Variants in SHANK2 observed in about 807,000 individuals in gnomAD.
SHANK2 encodes SH3 and multiple ankyrin repeat domains 2, also known as SH3 and multiple ankyrin repeat domains protein 2.
A neutral mutation model predicts 133.7 loss-of-function variants in SHANK2; 43 were observed. That is an observed-to-expected ratio of 0.32 (90% CI 0.25 to 0.41). The LOEUF (loss-of-function observed/expected upper bound fraction) is 0.41. SHANK2 is among the 10% of genes least tolerant of loss of function. SHANK2 has a pLI of 1.00. For synonymous variants in SHANK2, 1,017 were observed against 952.8 expected (o/e 1.07, Z -1.24); for missense variants, 1,994 against 2,235.8 (o/e 0.89, Z 2.18).
chr11:70,765,530 T>C lies in SHANK2; in HGVS notation c.1777+32913A>G, dbSNP rs77842890. On this transcript the variant is annotated intron_variant, in intron 14 of 25. Coordinates refer to ENST00000601538, the MANE Select transcript of SHANK2 (RefSeq NM_012309.5). The stretch of plus-strand genomic sequence containing the variant: ...ACCTGGATCCAGCCAGGACTGAAGC[T>C]GTTATTCCTAAACTTAAAAGCCGTT... Among the ~76,000 whole-genome samples, 1,216 of 152,288 alleles carry C rather than the reference T, an allele frequency of 8.0e-3. 20 individuals are homozygous for C. Among genetic ancestry groups the C allele is most frequent in the African/African-American group, 0.028 (1,172 of 41,548 alleles).
chr11:71,226,546 C>T (rs1043796809), intron 1 of SHANK2: 1 of 152,110 alleles, frequency 6.6e-6, no homozygotes, highest in Admixed American at 6.5e-5. Context: ...TGAAAACATG[C>T]AGAGAAACCA....
At chr11:71,115,688 G>A (rs567836858) in intron 4 of SHANK2, among the ~76,000 whole-genome samples, 5 of 152,240 alleles carry the variant, frequency 3.3e-5, no homozygotes, top group African/African-American at 9.6e-5. Context: ...GAGAGAGCAT[G>A]GGTGGCTGGC....
intron 2 of SHANK2, among the ~76,000 whole-genome samples, chr11:71,191,466 C>T (rs1409650273): frequency 1.3e-5 from 2 of 152,104 alleles, no homozygotes; most frequent in Admixed American, 6.5e-5. Context: ...TCACTGTGTC[C>T]TCACAGGGTC....
rs189233380 is a variant in SHANK2, at chr11:70,768,379, C to A, written c.1777+30064G>T. On this transcript the variant is annotated intron_variant, in intron 14 of 25. Coordinates refer to ENST00000601538, the MANE Select transcript of SHANK2 (RefSeq NM_012309.5). ...GCAAGAATAGAGCTCCCCAAATCAG[C>A]CAAGTAATTCTGGCCACAAGAGTGT... Among the ~76,000 whole-genome samples, 24 of 152,292 alleles carry A rather than the reference C, an allele frequency of 1.6e-4. No individual in the cohort carries two copies. The East Asian group carries it at 1.9e-3, about 12-fold the overall frequency.
chr11:70,766,626 A>T (rs782726642), intron 14 of SHANK2, among the ~76,000 whole-genome samples: 6 of 152,232 alleles, frequency 3.9e-5, no homozygotes, highest in Non-Finnish European at 8.8e-5. Flanking sequence ...TTAATCAAAC[A>T]ATAGAGCAGT....
Position 70,650,028 on chromosome 11 carries a change from A to G in SHANK2, c.2061+9800T>C, listed in dbSNP as rs533546889. On this transcript the variant is annotated intron_variant, in intron 17 of 25. Transcript: ENST00000601538. ...AGGGAATGTTCCCTGAGGGAGGTGG[A>G]TAGTAAGTCAGTCACCTAACACGGG... Among the ~76,000 whole-genome samples the G allele has an allele frequency of 1.6e-4, 25 of 152,304 alleles. No homozygotes were observed. The South Asian group carries it at 4.8e-3, about 29-fold the overall frequency.
intron 17 of SHANK2, among the ~76,000 whole-genome samples, chr11:70,628,719 C>G (rs563039911): frequency 1.3e-3 from 196 of 152,326 alleles, no homozygotes; most frequent in African/African-American, 4.6e-3. Flanking sequence ...ATACAGCAGG[C>G]TGTTAGCACC....
intron 11 of SHANK2, among the ~76,000 whole-genome samples, chr11:70,885,547 C>T (rs965394856): frequency 6.6e-6 from 1 of 152,150 alleles, no homozygotes; most frequent in South Asian, 2.1e-4. Context: ...GGCCGCAGGG[C>T]GGGCTCCAGT....
intron 10 of SHANK2, chr11:70,951,114 A>G (rs61885545): frequency 0.42 from 63,211 of 149,088 alleles, 6,561 homozygotes; most frequent in Middle Eastern, 0.53. Context: ...CTGCTGCACC[A>G]TGACGTCATA....
chr11:70,777,380 C>A (rs542662414), intron 14 of SHANK2, among the ~76,000 whole-genome samples: 2 of 151,962 alleles, frequency 1.3e-5, no homozygotes, highest in African/African-American at 4.8e-5. Flanking sequence ...CCCATCCACC[C>A]ACCCATGTAT....
intron 11 of SHANK2, among the ~76,000 whole-genome samples, chr11:70,889,047 G>A (rs1356704780): frequency 6.6e-6 from 1 of 152,140 alleles, no homozygotes; most frequent in Non-Finnish European, 1.5e-5. Flanking sequence ...TGGAATGGTG[G>A]TCCTCAAAAA....
chr11:70,741,259 CCATCCATCCATCCATCCATCCATT>C (rs1946519719), intron 14 of SHANK2, among the ~76,000 whole-genome samples: 1 of 151,678 alleles, frequency 6.6e-6, no homozygotes, highest in Admixed American at 6.6e-5. Flanking sequence ...ATCCATCCAT[CCATCCATCCATCCATCCATCCATT>C]CATCCATCCG....
At chr11:70,930,436 A>C (rs1950486507) in intron 10 of SHANK2, among the ~76,000 whole-genome samples, 2 of 152,186 alleles carry the variant, frequency 1.3e-5, no homozygotes, top group African/African-American at 4.8e-5. Context: ...ATGAGGCATA[A>C]CTGGGTCCAA....
At chr11:70,726,120 C>T (rs543109246) in intron 14 of SHANK2, among the ~76,000 whole-genome samples, 32 of 152,292 alleles carry the variant, frequency 2.1e-4, no homozygotes, top group South Asian at 1.0e-3. Flanking sequence ...AGGACTTTTA[C>T]ACCTACTTCC....
chr11:70,845,085 G>C (rs1158683321), intron 11 of SHANK2, among the ~76,000 whole-genome samples: 4 of 151,054 alleles, frequency 2.6e-5, no homozygotes, highest in African/African-American at 9.7e-5. Flanking sequence ...TGTAATCCCA[G>C]CTACTCAGGA....
intron 11 of SHANK2, among the ~76,000 whole-genome samples, chr11:70,886,135 T>A (rs1231265407): frequency 6.6e-6 from 1 of 151,920 alleles, no homozygotes; most frequent in African/African-American, 2.4e-5. Flanking sequence ...CTTGCACAGC[T>A]CACTCGGTCC....
intron 22 of SHANK2, 138 bp from the exon 23 acceptor site, chr11:70,490,525 G>A (rs2058872177): frequency 1.3e-6 from 1 of 746,486 alleles, no homozygotes. Context: ...AGTCTCCAGT[G>A]GGGCTGATGA....
chr11:70,942,729 A>T lies in SHANK2; in HGVS notation c.1108-46162T>A. On this transcript the variant is annotated intron_variant, in intron 10 of 25. Coordinates refer to ENST00000601538, the MANE Select transcript of SHANK2 (RefSeq NM_012309.5). Reference sequence around the variant, plus strand: ...GATTATAAGTATCTCACCAAGCATCAGTTGCACTCTGCCCTCACCTTTTGC... The same window carrying T: ...GATTATAAGTATCTCACCAAGCATCTGTTGCACTCTGCCCTCACCTTTTGC... 3 of 456,502 alleles carry T rather than the reference A, an allele frequency of 6.6e-6. No individual in the cohort carries two copies. In the East Asian group the frequency reaches 2.1e-4, roughly 32 times the overall value. The allele number at this position is 456,502 out of a possible 1,614,324, so 28.3% of individuals were successfully genotyped here.
chr11:70,834,255 C>T (rs1021595068), intron 11 of SHANK2, among the ~76,000 whole-genome samples: 1 of 151,142 alleles, frequency 6.6e-6, no homozygotes, highest in Admixed American at 6.6e-5. Flanking sequence ...CTGGTCCCAC[C>T]CCATATTTCA....
Sources: gnomAD v4.1 joint callset for allele counts (sites outside exome capture counted in the v4.1 genomes callset) on GRCh38, gnomAD v4.1.1 for gene constraint, MANE v1.5 for transcripts, NCBI Gene and HGNC (gene_info 2026-07-23, HGNC 2026-07-21) for gene names.